Variants in UBR4 observed in about 807,000 individuals in gnomAD.
UBR4 encodes E3 ubiquitin-protein ligase UBR4.
Under a neutral mutation model 575.6 loss-of-function variants are expected in UBR4, and 124 were observed. That is an observed-to-expected ratio of 0.22 (90% CI 0.19 to 0.25). The LOEUF (loss-of-function observed/expected upper bound fraction) is 0.25. Ranked by LOEUF, UBR4 falls within the 10% of genes least tolerant of loss-of-function variation. UBR4 has a pLI of 1.00. For missense variants in UBR4, 4,818 were observed against 6,478.8 expected, an observed-to-expected ratio of 0.74 and a Z score of 8.80; for synonymous variants, 2,455 against 2,473.7, an observed-to-expected ratio of 0.99 and a Z score of 0.22.
At chr1:19,190,538 C>T (rs943519149) in intron 11 of UBR4, among the ~76,000 whole-genome samples, 2 of 151,990 alleles carry the variant, frequency 1.3e-5, no homozygotes, top group Middle Eastern at 3.4e-3. Context: ...TGACAGTCAT[C>T]TTACACTCAG....
At position 19,117,200 on chromosome 1, in the gene UBR4, C is replaced by G; in HGVS notation, c.10823+21G>C. ...CAGCCTTACAACCTGCTGCCCCTCC[C>G]GAGGCCTAAAAAGCCCGTACTTGTT... On this transcript the variant is annotated intron_variant, in intron 73 of 105. Transcript: ENST00000375254. The surrounding 1 kb of genome is among the most constrained non-coding windows in gnomAD (Gnocchi z 4.0). 6.2e-7 allele frequency: 1 copy of G among 1,608,082 alleles called. No homozygotes were observed. Among genetic ancestry groups the G allele is most frequent in the Non-Finnish European group, 8.5e-7 (1 of 1,175,824 alleles).
intron 22 of UBR4, 134 bp downstream of exon 22, chr1:19,174,185 A>G (rs2089970466): frequency 8.3e-7 from 1 of 1,205,974 alleles, no homozygotes; most frequent in African/African-American, 1.5e-5. Context: ...CAAACTACCT[A>G]GAAATACTCA....
chr1:19,101,436 A>C lies in UBR4; in HGVS notation c.13023+84T>G, dbSNP rs559138711. The C allele has an allele frequency of 1.2e-4, 182 of 1,494,208 alleles. No individual in the cohort carries two copies. In the Middle Eastern group the frequency reaches 2.0e-3, roughly 16 times the overall value. The allele number at this position is 1,494,208 out of a possible 1,614,324, so 92.6% of individuals were successfully genotyped here. A position where few individuals can be genotyped will look rare whatever the true frequency, so the allele number is the denominator to read the frequency against. On this transcript the variant is annotated intron_variant, in intron 88 of 105. Coordinates refer to ENST00000375254, the MANE Select transcript of UBR4 (RefSeq NM_020765.3). ...GCCCACAGCTGGTACAATTCCCCAT[A>C]ACTTTAATGAATCACCAAGAGGCTT...
rs201991573 is a variant in UBR4, at chr1:19,141,430, G to T, written c.8405C>A (p.Pro2802His). The T allele has an allele frequency of 1.9e-4, 304 of 1,614,116 alleles. 1 individual carries two copies. Among genetic ancestry groups the T allele is most frequent in the Non-Finnish European group, 2.4e-4 (282 of 1,180,052 alleles). The change falls in exon 57 of 106, where the codon CCC becomes CAC. Residue 2802 changes from proline to histidine, a missense_variant. Pro to His is a moderately conservative substitution (Grantham distance 77). Around this residue, in one of 29 missense-constraint regions of UBR4, gnomAD observed 129 missense variants for 198.4 expected, o/e 0.65. Transcript: ENST00000375254. ...TGCATCAGGTGGGATGTCCAGCATG[G>T]GGGGGAAGCCCTCTGCGCCTGCCAG... ...ALLAGAEGFP[P>H]MLDIPPDADD...
At chr1:19,194,162 A>G (rs965051200) in intron 8 of UBR4, among the ~76,000 whole-genome samples, 1 of 152,240 alleles carries the variant, frequency 6.6e-6, no homozygotes, top group African/African-American at 2.4e-5. Context: ...GTACAACACA[A>G]AAATGAAACC....
Position 19,197,802 on chromosome 1 carries a change from T to C in UBR4, c.761A>G (p.Glu254Gly). 1 of 1,614,134 alleles carries C rather than the reference T, an allele frequency of 6.2e-7. No homozygotes were observed. The highest frequency in any genetic ancestry group is 1.1e-5 in the South Asian group (1 of 91,076). The change falls in exon 7 of 106, where the codon GAG becomes GGG. Residue 254 changes from glutamate (E) to glycine (G), a missense_variant. Physicochemically the swap from Glu to Gly is moderately conservative, Grantham distance 98. Around this residue, in one of 29 missense-constraint regions of UBR4, gnomAD observed 131 missense variants for 214.5 expected, o/e 0.61. Coordinates refer to ENST00000375254, the MANE Select transcript of UBR4 (RefSeq NM_020765.3). Reference sequence around the variant, plus strand: ...GTTCAAACATACACGCAGTAGCTTCTCCGAGCCACCTAAATGAATGAAAAC... The same window carrying C: ...GTTCAAACATACACGCAGTAGCTTCCCCGAGCCACCTAAATGAATGAAAAC... ...VASLQELGGS[E>G]KLLRVCLNLP...
chr1:19,118,862 C>T lies in UBR4; in HGVS notation c.10541+10G>A. The T allele has an allele frequency of 6.2e-7, 1 of 1,614,098 alleles. No homozygotes were observed. Among genetic ancestry groups the T allele is most frequent in the South Asian group, 1.1e-5 (1 of 91,084 alleles). ...AGCTTCCCACAGGTAGAAAGCAAAA[C>T]AAAGCTCACTTATAAATGTTCGAGT... is the stretch of plus-strand genomic sequence containing the variant. On this transcript the variant is annotated intron_variant, in intron 71 of 105. Transcript: ENST00000375254.
rs147784953 is a variant in UBR4 at position 19,168,753 on chromosome 1, G to A, written c.3742-569C>T. On this transcript the variant is annotated intron_variant, in intron 27 of 105. Coordinates refer to ENST00000375254, the MANE Select transcript of UBR4 (RefSeq NM_020765.3). ...AGCACTTTGGGAGGCTGAGACAGGC[G>A]GATCAGGAGGTCAGGCGATCGAGAC... 4.8e-3 allele frequency among the ~76,000 whole-genome samples: 724 copies of A among 152,196 alleles called. 18 individuals are homozygous for A. In the East Asian group the frequency reaches 0.067, roughly 14 times the overall value.
chr1:19,163,851 G>T, intron 33 of UBR4, 24 bp from the exon 34 acceptor site: 1 of 1,613,296 alleles, frequency 6.2e-7, no homozygotes, highest in Non-Finnish European at 8.5e-7. Flanking sequence ...AAAAAAGAGG[G>T]GAAAGAGGAG....
intron 11 of UBR4, among the ~76,000 whole-genome samples, chr1:19,187,936 C>A (rs527849111): frequency 4.6e-5 from 7 of 152,074 alleles, no homozygotes; most frequent in African/African-American, 1.7e-4. Flanking sequence ...GGCATGGTGG[C>A]ATGTACCTAT....
rs533462972 is a variant in UBR4, at chr1:19,208,642, T to C, written c.176+1431A>G. The stretch of plus-strand genomic sequence containing the variant: ...ATGGCAAAGACCACTACCACATACA[T>C]GGCAAAATTCAAACCTAGTGATGTA... On this transcript the variant is annotated intron_variant, in intron 1 of 105. Transcript: ENST00000375254. 2.1e-3 allele frequency among the ~76,000 whole-genome samples: 317 copies of C among 152,124 alleles called. 3 individuals carry two copies. Among genetic ancestry groups the C allele is most frequent in the Non-Finnish European group, 2.7e-3 (182 of 68,032 alleles).
At chr1:19,107,923 A>G (rs2079403795) in intron 81 of UBR4, among the ~76,000 whole-genome samples, 1 of 152,192 alleles carries the variant, frequency 6.6e-6, no homozygotes, top group South Asian at 2.1e-4. Context: ...AAGACGTGGC[A>G]CTGTTTTACA....
intron 105 of UBR4, among the ~76,000 whole-genome samples, chr1:19,076,034 G>C (rs2075903377): frequency 1.3e-5 from 2 of 152,174 alleles, no homozygotes; most frequent in African/African-American, 4.8e-5. Context: ...AACCTCACAG[G>C]GCACTGTCTT....
At position 19,140,791 on chromosome 1, in the gene UBR4, A is replaced by C; in HGVS notation, c.8590T>G (p.Ser2864Ala). The C allele has an allele frequency of 6.2e-7, 1 of 1,612,922 alleles. No individual in the cohort carries two copies. The highest frequency in any genetic ancestry group is 8.5e-7 in the Non-Finnish European group (1 of 1,179,838). Residue 2864 changes from serine to alanine, a missense_variant, in exon 58 of 106, where the codon TCA becomes GCA. This residue lies in a region of UBR4 where 1 missense variants were observed against 18.9 expected (regional missense o/e 0.05). Coordinates refer to ENST00000375254, the MANE Select transcript of UBR4 (RefSeq NM_020765.3). ...GCTCCTTGCTGTGGACAGTTACCTG[A>C]TGCTGTGGTGTCAGAGAGGGTTCCT... is the stretch of plus-strand genomic sequence containing the variant. ...DAGTLSDTTASAPASDDEGST... is the reference protein window; with the variant it reads ...DAGTLSDTTAAAPASDDEGST...
At position 19,104,581 on chromosome 1, in the gene UBR4, T is replaced by G; in HGVS notation, c.12727+4A>C. 1 of 1,614,020 alleles carries G rather than the reference T, an allele frequency of 6.2e-7. No individual in the cohort carries two copies. Among genetic ancestry groups the G allele is most frequent in the Admixed American group, 1.7e-5 (1 of 60,004 alleles). On this transcript the variant is annotated splice_donor_region_variant and intron_variant, in intron 86 of 105. Coordinates refer to ENST00000375254, the MANE Select transcript of UBR4 (RefSeq NM_020765.3). Reference sequence around the variant, plus strand: ...CCTAAAGGAAGGTCCAGGTGGCTCTTTACCTGTGAGACTTTTAAGGGCATA... The same window carrying G: ...CCTAAAGGAAGGTCCAGGTGGCTCTGTACCTGTGAGACTTTTAAGGGCATA...
chr1:19,133,976 C>G (rs2149788581), intron 60 of UBR4, among the ~76,000 whole-genome samples: 1 of 150,024 alleles, frequency 6.7e-6, no homozygotes, highest in African/African-American at 2.5e-5. Context: ...ATCCCAGCTA[C>G]TCAGGAGGCT....
rs573789477 is a variant in UBR4, at chr1:19,084,403, C to G, written c.15008+101G>C. On this transcript the variant is annotated intron_variant, in intron 102 of 105. Transcript: ENST00000375254. ...GCTGCCTTAGGCCAGACGCTTGCTC[C>G]GGAACTAGCATGAGAGGCTATGAAA... is the stretch of plus-strand genomic sequence containing the variant. The G allele has an allele frequency of 3.1e-6, 4 of 1,288,242 alleles. No individual in the cohort carries two copies. In the African/African-American group the frequency reaches 5.9e-5, roughly 19 times the overall value. 79.8% of individuals were successfully genotyped at this position (1,288,242 alleles called of 1,614,324 possible). A position where few individuals can be genotyped will look rare whatever the true frequency, so the allele number is the denominator to read the frequency against.
At chr1:19,113,371 C>A (rs1190401252) in intron 77 of UBR4, 5 of 338,178 alleles carry the variant, frequency 1.5e-5, no homozygotes, top group Non-Finnish European at 5.4e-6. Context: ...GAAGAGGGAA[C>A]AGAATCTTGG....
At position 19,093,366 on chromosome 1, in the gene UBR4, C is replaced by A. The variant is rs1275982301; in HGVS notation, c.14058G>T (p.Gly4686=). The A allele has an allele frequency of 6.2e-7, 1 of 1,614,232 alleles. No individual in the cohort carries two copies. Among genetic ancestry groups the A allele is most frequent in the South Asian group, 1.1e-5 (1 of 91,090 alleles). ...TGTAGTCAAGTGCATTCTGGGTGAT[C>A]CCCTTCTGGAGAATCAGATCCTTCA... ...HQLKDLILQK[G]ITQNALDYMK... Residue 4686 remains glycine, a synonymous_variant, in exon 96 of 106, where the codon GGG becomes GGT. Transcript: ENST00000375254. The surrounding 1 kb of genome is among the most constrained non-coding windows in gnomAD (Gnocchi z 4.8).
Sources: gnomAD v4.1 joint callset for allele counts (sites outside exome capture counted in the v4.1 genomes callset) on GRCh38, gnomAD v4.1.1 for gene constraint, gnomAD v4.1.1 regional missense constraint, Gnocchi (gnomAD v3.1) non-coding constraint, MANE v1.5 for transcripts, NCBI Gene and HGNC (gene_info 2026-07-23, HGNC 2026-07-21) for gene names.